FAAH2: variants seen among roughly 807,000 people sequenced by gnomAD.
FAAH2 encodes fatty acid amide hydrolase 2.
A neutral mutation model predicts 36.9 loss-of-function variants in FAAH2; 60 were observed. The observed-to-expected ratio is 1.63, with a 90% CI of 1.32 to 2.02. FAAH2 has a LOEUF of 2.02. Ranked by LOEUF, FAAH2 falls within the 30% of genes most tolerant of loss-of-function variation. The pLI, the probability that FAAH2 is intolerant of heterozygous loss-of-function variation, is 0.00. For missense variants in FAAH2, 689 were observed against 397.5 expected, an observed-to-expected ratio of 1.73 and a Z score of -6.23; for synonymous variants, 214 against 143.8, an observed-to-expected ratio of 1.49 and a Z score of -3.49.
At chrX:57,387,142 A>G (rs983258602) in intron 7 of FAAH2, among the ~76,000 whole-genome samples, 1 of 111,717 alleles carries the variant, frequency 9.0e-6, no homozygotes, top group African/African-American at 3.2e-5. Context: ...CTGATTAAAA[A>G]TTATTTTTTG....
At chrX:57,136,022 G>A in the FAAH2 span, 1 of 1,205,909 alleles carries the variant, frequency 8.3e-7, no homozygotes, top group South Asian at 1.8e-5. Flanking sequence ...GAGACTCACT[G>A]GATTCTGGCA....
At chrX:57,368,404 C>T in intron 5 of FAAH2, among the ~76,000 whole-genome samples, 1 of 111,189 alleles carries the variant, frequency 9.0e-6, no homozygotes, top group South Asian at 3.8e-4. Context: ...TGAGAACCAG[C>T]CTGGTGTCCT....
the FAAH2 span, among the ~76,000 whole-genome samples, chrX:57,267,981 T>C: frequency 8.9e-6 from 1 of 112,453 alleles, no homozygotes; most frequent in African/African-American, 3.2e-5. Flanking sequence ...CAGCAAGGAT[T>C]CAGAACTGAG....
the FAAH2 span, among the ~76,000 whole-genome samples, chrX:57,273,960 A>G: frequency 4.5e-5 from 5 of 111,607 alleles, no homozygotes; most frequent in Admixed American, 9.5e-5. Context: ...CAAAAAATCA[A>G]TGAATTCAGG....
intron 5 of FAAH2, among the ~76,000 whole-genome samples, chrX:57,355,717 C>T (rs915863886): frequency 2.5e-4 from 28 of 110,740 alleles, no homozygotes; most frequent in Non-Finnish European, 4.0e-4. Context: ...TCTACATACA[C>T]GATCATGCAA....
chrX:57,385,666 T>G (rs1282757355), intron 7 of FAAH2, among the ~76,000 whole-genome samples: 1 of 112,222 alleles, frequency 8.9e-6, no homozygotes, highest in African/African-American at 3.2e-5. Context: ...ACCTGAATTT[T>G]GGAGGCGATC....
intron 7 of FAAH2, chrX:57,394,935 G>A (rs1358827987): frequency 1.6e-6 from 1 of 622,761 alleles, no homozygotes; most frequent in Non-Finnish European, 2.8e-6. Flanking sequence ...CTGGCAATCT[G>A]CACCCCTGTC....
intron 10 of FAAH2, among the ~76,000 whole-genome samples, chrX:57,465,558 G>A (rs2057033323): frequency 1.8e-5 from 2 of 111,442 alleles, no homozygotes; most frequent in African/African-American, 6.5e-5. Context: ...ATAAAAGACA[G>A]CCAACCAATA....
intron 3 of FAAH2, among the ~76,000 whole-genome samples, chrX:57,328,226 G>A (rs1408636179): frequency 9.0e-6 from 1 of 111,455 alleles, no homozygotes; most frequent in South Asian, 3.9e-4. Context: ...GTACCTGGCC[G>A]TGTGAGGTGT....
At chrX:57,345,792 A>G (rs2053805805) in intron 5 of FAAH2, among the ~76,000 whole-genome samples, 1 of 111,426 alleles carries the variant, frequency 9.0e-6, no homozygotes, top group South Asian at 3.7e-4. Flanking sequence ...ACAGTGCATT[A>G]CCTGAATCAC....
At chrX:57,266,791 G>A in the FAAH2 span, among the ~76,000 whole-genome samples, 4 of 112,448 alleles carry the variant, frequency 3.6e-5, no homozygotes, top group African/African-American at 1.3e-4. Context: ...GACAAGCAAA[G>A]TGGTGGAACA....
the FAAH2 span, among the ~76,000 whole-genome samples, chrX:57,222,027 A>G: frequency 1.8e-5 from 2 of 111,216 alleles, no homozygotes; most frequent in Non-Finnish European, 3.8e-5. Flanking sequence ...TGCGAGTATT[A>G]GGTCTCCCCT....
intron 8 of FAAH2, among the ~76,000 whole-genome samples, chrX:57,438,796 C>T (rs1439192642): frequency 6.2e-5 from 6 of 96,483 alleles, no homozygotes; most frequent in African/African-American, 2.2e-4. Context: ...GTTCCCCTTC[C>T]TGTGTCCATG....
chrX:57,464,693 A>G (rs992472283), intron 10 of FAAH2, among the ~76,000 whole-genome samples: 1 of 110,611 alleles, frequency 9.0e-6, no homozygotes, highest in Admixed American at 9.7e-5. Context: ...AACTTAACAA[A>G]TCAACGTGCA....
At chrX:57,167,884 G>A in the FAAH2 span, among the ~76,000 whole-genome samples, 27 of 111,626 alleles carry the variant, frequency 2.4e-4, no homozygotes, top group Non-Finnish European at 4.9e-4. Flanking sequence ...GCAGACCAGA[G>A]TGGGCCTCCT....
At chrX:57,229,747 G>C in the FAAH2 span, among the ~76,000 whole-genome samples, 2 of 111,327 alleles carry the variant, frequency 1.8e-5, no homozygotes, top group African/African-American at 6.5e-5. Flanking sequence ...TTTCCACAGA[G>C]CTACCATTTT....
At position 57,470,969 on chromosome X, in the gene FAAH2, A is replaced by G. The variant is rs186921844; in HGVS notation, c.1424-17788A>G. The stretch of plus-strand genomic sequence containing the variant: ...CGCAAATCAATAAACGTAATCCAGC[A>G]TCTAAACAGAACCAAAGACAAAAAA... On this transcript the variant is annotated intron_variant, in intron 10 of 10. Coordinates refer to ENST00000374900, the MANE Select transcript of FAAH2 (RefSeq NM_174912.4). 3.8e-3 allele frequency among the ~76,000 whole-genome samples: 429 copies of G among 112,154 alleles called. 2 individuals carry two copies. Among genetic ancestry groups the G allele is most frequent in the African/African-American group, 0.013 (414 of 30,879 alleles).
chrX:57,166,080 C>T, the FAAH2 span, among the ~76,000 whole-genome samples: 22 of 110,543 alleles, frequency 2.0e-4, no homozygotes, highest in African/African-American at 7.2e-4. Context: ...CAGCAACCAC[C>T]GACAGGCCAT....
chrX:57,321,149 A>G (rs1023325465), intron 3 of FAAH2, among the ~76,000 whole-genome samples: 56 of 110,094 alleles, frequency 5.1e-4, no homozygotes, highest in Non-Finnish European at 1.1e-4. Context: ...CAAAAAAAAA[A>G]AGAAAACCGG....
Sources: gnomAD v4.1 joint callset for allele counts (sites outside exome capture counted in the v4.1 genomes callset) on GRCh38, gnomAD v4.1.1 for gene constraint, MANE v1.5 for transcripts, NCBI Gene and HGNC (gene_info 2026-07-23, HGNC 2026-07-21) for gene names.